DNAH10: variants seen among roughly 807,000 people sequenced by gnomAD.
DNAH10 encodes dynein axonemal heavy chain 10.
In DNAH10, 348 loss-of-function variants were observed where a neutral mutation model predicts 506.6. The observed-to-expected ratio is 0.69, with a 90% CI of 0.63 to 0.75. DNAH10 has a LOEUF of 0.75. DNAH10 is among the 30% of genes least tolerant of loss of function. The probability of loss-of-function intolerance (pLI) is 0.00; values close to 1 mark genes in which losing one functional copy is unlikely to be tolerated. For synonymous variants in DNAH10, 2,059 were observed against 2,198.6 expected, an observed-to-expected ratio of 0.94 and a Z score of 1.78; for missense variants, 5,179 against 5,787.1, an observed-to-expected ratio of 0.89 and a Z score of 3.41.
chr12:123,781,426 G>T, intron 6 of DNAH10, 127 bp downstream of exon 6: 2 of 919,132 alleles, frequency 2.2e-6, no homozygotes, highest in East Asian at 2.6e-5. Context: ...GTGGAGACGG[G>T]GTCTCACTTT....
intron 57 of DNAH10, chr12:123,908,166 C>T (rs550941678): frequency 2.8e-6 from 1 of 360,878 alleles, no homozygotes; most frequent in Non-Finnish European, 5.5e-6. Flanking sequence ...CTCCCTGTCT[C>T]CTCCCTGTCT....
rs370905337 is a variant in DNAH10 at position 123,875,322 on chromosome 12, G to C, written c.8030G>C (p.Cys2677Ser). The change falls in exon 47 of 79, where the codon TGT (cysteine) becomes TCT (serine). Residue 2677 changes from cysteine to serine, a missense_variant. Cys to Ser is a moderately radical substitution (Grantham distance 112). Transcript: ENST00000673944. ...TATGACCGTGGGAAGGAGCTGAACT[G>C]TAAAAGCATTCGAGACCTTGGCTTT... ...YLYDRGKELN[C>S]KSIRDLGFIA... 1.4e-5 allele frequency: 23 copies of C among 1,613,832 alleles called. No individual in the cohort carries two copies. Among genetic ancestry groups the C allele is most frequent in the Non-Finnish European group, 1.9e-5 (22 of 1,179,792 alleles).
intron 42 of DNAH10, 51 bp from the exon 43 acceptor site, chr12:123,867,852 T>C: frequency 1.3e-6 from 2 of 1,555,854 alleles, no homozygotes; most frequent in African/African-American, 2.7e-5. Context: ...TGGAATGGAC[T>C]CTGTGGGGGT....
intron 25 of DNAH10, among the ~76,000 whole-genome samples, chr12:123,828,674 C>T (rs1225846824): frequency 1.3e-5 from 2 of 152,138 alleles, no homozygotes; most frequent in Admixed American, 1.3e-4. Context: ...AAGAGACTTC[C>T]TCCTCTCCTC....
intron 29 of DNAH10, among the ~76,000 whole-genome samples, chr12:123,839,300 A>G (rs1386339291): frequency 6.6e-6 from 1 of 152,130 alleles, no homozygotes; most frequent in Non-Finnish European, 1.5e-5. Flanking sequence ...GTGGTTTAGC[A>G]CATGGACTCT....
At chr12:123,806,104 T>C (rs1056885441) in intron 18 of DNAH10, among the ~76,000 whole-genome samples, 1 of 152,118 alleles carries the variant, frequency 6.6e-6, no homozygotes, top group Non-Finnish European at 1.5e-5. Context: ...CTTTTTCGTT[T>C]TTTGCTTTCA....
At position 123,841,344 on chromosome 12, in the gene DNAH10, T is replaced by G; in HGVS notation, c.5159T>G (p.Leu1720Arg). 1.2e-6 allele frequency: 2 copies of G among 1,613,976 alleles called. No individual in the cohort carries two copies. The highest frequency in any genetic ancestry group is 1.7e-6 in the Non-Finnish European group (2 of 1,179,892). Residue 1720 changes from leucine to arginine, a missense_variant, in exon 30 of 79, where the codon CTG becomes CGG. Coordinates refer to ENST00000673944, the MANE Select transcript of DNAH10 (RefSeq NM_001372106.1). ...CAGATGTACGACAACATAGCATCACTGAGGTTTAATGACGGCGATAGTGGA... is the reference window on the plus strand; with the variant it reads ...CAGATGTACGACAACATAGCATCACGGAGGTTTAATGACGGCGATAGTGGA... The part of the protein sequence containing the change: ...MIKMYDNIAS[L>R]RFNDGDSGEK...
intron 76 of DNAH10, chr12:123,932,791 T>C (rs4930706): frequency 0.38 from 57,653 of 152,270 alleles, 11,731 homozygotes; most frequent in African/African-American, 0.53. Context: ...GAGCGTATTT[T>C]GCATGCTTTA....
At chr12:123,872,457 T>G (rs1015037283) in intron 45 of DNAH10, among the ~76,000 whole-genome samples, 3 of 152,166 alleles carry the variant, frequency 2.0e-5, no homozygotes, top group African/African-American at 7.2e-5. Context: ...CTGCAGCTGG[T>G]GCTCATCAGC....
intron 65 of DNAH10, among the ~76,000 whole-genome samples, chr12:123,921,626 G>A (rs1331940515): frequency 1.4e-5 from 2 of 146,030 alleles, no homozygotes; most frequent in East Asian, 4.0e-4. Flanking sequence ...TCCTCCTCAT[G>A]TGAGAGTCAA....
chr12:123,789,029 C>T (rs984091652), intron 10 of DNAH10, among the ~76,000 whole-genome samples: 6 of 151,902 alleles, frequency 3.9e-5, no homozygotes, highest in African/African-American at 1.5e-4. Flanking sequence ...GTGGGCGGAT[C>T]ACGAGGTCAG....
chr12:123,851,827 G>T (rs1279715966), intron 35 of DNAH10, among the ~76,000 whole-genome samples: 1 of 152,172 alleles, frequency 6.6e-6, no homozygotes, highest in Non-Finnish European at 1.5e-5. Flanking sequence ...AGGCTGGAGT[G>T]CAGTGGTGGG....
At chr12:123,905,437 CT>C (rs1296198414) in intron 57 of DNAH10, among the ~76,000 whole-genome samples, 1 of 152,206 alleles carries the variant, frequency 6.6e-6, no homozygotes, top group African/African-American at 2.4e-5. Context: ...GTGTTCATAG[CT>C]GTTGCCTAAT....
intron 37 of DNAH10, among the ~76,000 whole-genome samples, chr12:123,857,785 T>G (rs929528169): frequency 6.6e-6 from 1 of 152,220 alleles, no homozygotes; most frequent in African/African-American, 2.4e-5. Flanking sequence ...ACATTCACAT[T>G]ACTGTGCAAC....
chr12:123,866,712 G>T (rs1343459319), intron 41 of DNAH10, among the ~76,000 whole-genome samples: 1 of 152,202 alleles, frequency 6.6e-6, no homozygotes, highest in Non-Finnish European at 1.5e-5. Flanking sequence ...CTCTGCTGTT[G>T]TGGCATGAAA....
intron 7 of DNAH10, 82 bp downstream of exon 7, chr12:123,783,346 C>A: frequency 6.8e-7 from 1 of 1,481,158 alleles, no homozygotes; most frequent in Non-Finnish European, 9.2e-7. Flanking sequence ...CTGGGGTCTG[C>A]ATCATCTGGC....
In DNAH10 at chr12:123,873,677, G is replaced by A; in HGVS notation, c.7905G>A (p.Leu2635=). The change falls in exon 46 of 79, where the codon CTG becomes CTA. Residue 2635 remains leucine (L), a synonymous_variant. Transcript: ENST00000673944. ...DTYGPPMGKR[L]LVFMDDMNMP... ...ACGGCCCACCCATGGGAAAACGCCT[G>A]CTGGTGTTCATGGATGACATGAATA... The A allele has an allele frequency of 6.2e-7, 1 of 1,612,590 alleles. No homozygotes were observed. Among genetic ancestry groups the A allele is most frequent in the Non-Finnish European group, 8.5e-7 (1 of 1,179,198 alleles).
rs945042147 is a variant in DNAH10, at chr12:123,909,501, C to T, written c.9997+59C>T. The T allele has an allele frequency of 5.4e-6, 8 of 1,489,074 alleles. No homozygotes were observed. The highest frequency in any genetic ancestry group is 1.4e-5 in the African/African-American group (1 of 70,570). The allele number at this position is 1,489,074 out of a possible 1,614,324, so 92.2% of individuals were successfully genotyped here. A position where few individuals can be genotyped will look rare whatever the true frequency, so the allele number is the denominator to read the frequency against. ...GGATCTCGGTCTGGCATCTCAGGCT[C>T]TGGGACAGGGATGGAGGGCAAGGAG... On this transcript the variant is annotated intron_variant, in intron 58 of 78. Coordinates refer to ENST00000673944, the MANE Select transcript of DNAH10 (RefSeq NM_001372106.1). The surrounding 1 kb of genome is among the most constrained non-coding windows in gnomAD (Gnocchi z 5.4).
intron 45 of DNAH10, 50 bp downstream of exon 45, chr12:123,871,652 C>G: frequency 6.6e-7 from 1 of 1,523,338 alleles, no homozygotes; most frequent in Non-Finnish European, 8.8e-7. Context: ...CAAATTATTC[C>G]AGTGCATAGC....
Sources: gnomAD v4.1 joint callset for allele counts (sites outside exome capture counted in the v4.1 genomes callset) on GRCh38, gnomAD v4.1.1 for gene constraint, Gnocchi (gnomAD v3.1) non-coding constraint, MANE v1.5 for transcripts, NCBI Gene and HGNC (gene_info 2026-07-23, HGNC 2026-07-21) for gene names.